The following RABGAP1L variants were observed in gnomAD, a reference collection of about 807,000 sequenced individuals.
The protein encoded by RABGAP1L is RAB GTPase activating protein 1 like, also known as rab GTPase-activating protein 1-like.
A neutral mutation model predicts 137.7 loss-of-function variants in RABGAP1L; 63 were observed. The ratio of observed to expected loss-of-function variants is 0.46; its 90% CI spans 0.37 to 0.56. RABGAP1L has a LOEUF of 0.56. Among genes scored for constraint, RABGAP1L ranks in the 20% least tolerant of loss-of-function variants. The pLI, the probability that RABGAP1L is intolerant of heterozygous loss-of-function variation, is 0.00. For synonymous variants in RABGAP1L, 431 were observed against 433.7 expected, an observed-to-expected ratio of 0.99 and a Z score of 0.08; for missense variants, 1,095 against 1,244.0, an observed-to-expected ratio of 0.88 and a Z score of 1.80.
chr1:174,232,501 T>G (rs971589099), intron 4 of RABGAP1L, among the ~76,000 whole-genome samples: 7 of 129,058 alleles, frequency 5.4e-5, no homozygotes, highest in South Asian at 2.5e-4. Flanking sequence ...AAAAAAAAAG[T>G]GGCCGGGCGC....
chr1:174,199,888 CT>C (rs2148384476), intron 1 of RABGAP1L, among the ~76,000 whole-genome samples: 1 of 152,244 alleles, frequency 6.6e-6, no homozygotes, highest in Non-Finnish European at 1.5e-5. Flanking sequence ...AATAGCTATT[CT>C]TAGAATTATT....
intron 1 of RABGAP1L, among the ~76,000 whole-genome samples, chr1:174,179,228 T>C (rs76765921): frequency 0.06 from 9,174 of 152,212 alleles, 962 homozygotes; most frequent in African/African-American, 0.21. Flanking sequence ...TACTGTCAGT[T>C]GTTTTCTTCG....
intron 18 of RABGAP1L, among the ~76,000 whole-genome samples, chr1:174,807,312 A>G (rs1388600470): frequency 6.6e-6 from 1 of 152,210 alleles, no homozygotes; most frequent in Non-Finnish European, 1.5e-5. Flanking sequence ...CACCATGTAG[A>G]CAATACACAT....
chr1:174,376,621 A>G (rs1685568746), intron 12 of RABGAP1L, among the ~76,000 whole-genome samples: 2 of 152,226 alleles, frequency 1.3e-5, no homozygotes, highest in Admixed American at 1.3e-4. Flanking sequence ...ATGCAGAAAA[A>G]GCATTTGACC....
intron 14 of RABGAP1L, among the ~76,000 whole-genome samples, chr1:174,659,741 A>C (rs1208288397): frequency 1.3e-5 from 2 of 152,188 alleles, no homozygotes; most frequent in Non-Finnish European, 2.9e-5. Flanking sequence ...CTAGAGCTCT[A>C]ACAGATATCT....
At chr1:174,438,744 G>GTATATATATATATATATATATATATA (rs71117563) in intron 13 of RABGAP1L, among the ~76,000 whole-genome samples, 11 of 95,444 alleles carry the variant, frequency 1.2e-4, no homozygotes, top group East Asian at 3.7e-4. Flanking sequence ...GTGTGTGTGT[G>GTATATATATATATATATATATATATA]TATATATATA....
At chr1:174,976,965 A>G (rs1430744004) in intron 22 of RABGAP1L, among the ~76,000 whole-genome samples, 1 of 152,240 alleles carries the variant, frequency 6.6e-6, no homozygotes. Context: ...ATCACAAACA[A>G]TTGAAGTCTT....
intron 14 of RABGAP1L, among the ~76,000 whole-genome samples, chr1:174,638,731 TTGTAGGGACA>T (rs1270763416): frequency 6.9e-6 from 1 of 144,922 alleles, no homozygotes; most frequent in Non-Finnish European, 1.5e-5. Context: ...TTCATGTCCT[TTGTAGGGACA>T]TGGATGAAAT....
chr1:174,201,251 A>C (rs113167603), intron 1 of RABGAP1L, among the ~76,000 whole-genome samples: 7 of 151,172 alleles, frequency 4.6e-5, no homozygotes, highest in African/African-American at 1.7e-4. Context: ...CACCACACCC[A>C]GTGTAGAAAT....
intron 17 of RABGAP1L, among the ~76,000 whole-genome samples, chr1:174,712,551 C>T (rs1680640414): frequency 6.6e-6 from 1 of 152,192 alleles, no homozygotes; most frequent in Non-Finnish European, 1.5e-5. Flanking sequence ...TGTGGACACA[C>T]CATCTTTAAG....
chr1:174,832,704 C>T (rs1394072021), intron 19 of RABGAP1L, among the ~76,000 whole-genome samples: 2 of 120,886 alleles, frequency 1.7e-5, no homozygotes, highest in Non-Finnish European at 3.8e-5. Flanking sequence ...GGCTACCTTC[C>T]TCCTGGCTGT....
chr1:174,878,516 C>T (rs1478536772), intron 19 of RABGAP1L, among the ~76,000 whole-genome samples: 2 of 152,146 alleles, frequency 1.3e-5, no homozygotes, highest in Admixed American at 6.6e-5. Flanking sequence ...TAAGCCACCA[C>T]GCCCGGCCCC....
At chr1:174,200,009 G>A (rs1256605075) in intron 1 of RABGAP1L, among the ~76,000 whole-genome samples, 4 of 152,142 alleles carry the variant, frequency 2.6e-5, no homozygotes, top group African/African-American at 9.7e-5. Context: ...GAAAATAAAT[G>A]TTAAAGAAGT....
chr1:174,935,904 C>G (rs1664699502), intron 19 of RABGAP1L, among the ~76,000 whole-genome samples: 1 of 147,498 alleles, frequency 6.8e-6, no homozygotes, highest in Non-Finnish European at 1.5e-5. Flanking sequence ...TCGCTTGAAC[C>G]TGGAAGGCAG....
chr1:174,259,134 T>C (rs988486044), intron 7 of RABGAP1L, among the ~76,000 whole-genome samples: 1 of 151,854 alleles, frequency 6.6e-6, no homozygotes, highest in African/African-American at 2.4e-5. Context: ...AAAGAAGCCA[T>C]TTCTGTGTGC....
chr1:174,937,545 C>A (rs960370920), intron 19 of RABGAP1L, among the ~76,000 whole-genome samples: 1 of 149,072 alleles, frequency 6.7e-6, no homozygotes, highest in Non-Finnish European at 1.5e-5. Context: ...CTCGGCCTCC[C>A]AAAGTGCTGG....
intron 14 of RABGAP1L, among the ~76,000 whole-genome samples, chr1:174,680,335 C>T (rs369723760): frequency 1.3e-4 from 20 of 152,088 alleles, no homozygotes; most frequent in Non-Finnish European, 2.4e-4. Flanking sequence ...TAAAAGAGGC[C>T]GGAAGGATCT....
intron 11 of RABGAP1L, among the ~76,000 whole-genome samples, chr1:174,355,971 G>A (rs770619289): frequency 2.0e-5 from 3 of 152,100 alleles, no homozygotes; most frequent in Non-Finnish European, 4.4e-5. Context: ...GTTTACATTT[G>A]TATGTCAGCT....
At chr1:174,176,713 GAAAAA>G (rs71563251) in intron 1 of RABGAP1L, among the ~76,000 whole-genome samples, 33 of 21,546 alleles carry the variant, frequency 1.5e-3, no homozygotes, top group Admixed American at 7.2e-3. Flanking sequence ...CCCTTTTTCA[GAAAAA>G]AAAAAAAAAA....
Sources: gnomAD v4.1 joint callset for allele counts (sites outside exome capture counted in the v4.1 genomes callset) on GRCh38, gnomAD v4.1.1 for gene constraint, MANE v1.5 for transcripts, NCBI Gene and HGNC (gene_info 2026-07-23, HGNC 2026-07-21) for gene names.